Variants in LEPR observed in about 807,000 individuals in gnomAD.
LEPR encodes the protein OB receptor.
In LEPR, 56 loss-of-function variants were observed where a neutral mutation model predicts 114.7. The observed-to-expected ratio is 0.49, with a 90% CI of 0.39 to 0.61. The LOEUF is 0.61. LEPR is among the 20% of genes least tolerant of loss of function. The probability of loss-of-function intolerance (pLI) is 0.00; values close to 1 mark genes in which losing one functional copy is unlikely to be tolerated. For missense variants in LEPR, 1,202 were observed against 1,352.9 expected, an observed-to-expected ratio of 0.89 and a Z score of 1.75; for synonymous variants, 443 against 461.4, an observed-to-expected ratio of 0.96 and a Z score of 0.51.
rs779682924 is a variant in LEPR at position 65,598,745 on chromosome 1, G to C, written c.935G>C (p.Arg312Thr). Residue 312 changes from arginine (R) to threonine (T), a missense_variant, in exon 8 of 20, where the codon AGA (arginine) becomes ACA (threonine). Arg to Thr is a moderately conservative substitution (Grantham distance 71, BLOSUM62 -1). Coordinates refer to ENST00000349533, the MANE Select transcript of LEPR (RefSeq NM_002303.6). Reference sequence around the variant, plus strand: ...TATGAGGTTCAGGTGAGGGGCAAGAGACTGGATGGCCCAGGAATCTGGAGT... The same window carrying C: ...TATGAGGTTCAGGTGAGGGGCAAGACACTGGATGGCCCAGGAATCTGGAGT... The part of the protein sequence containing the change: ...SSYEVQVRGK[R>T]LDGPGIWSDW... The C allele has an allele frequency of 1.9e-6, 3 of 1,613,428 alleles. No homozygotes were observed. In the African/African-American group the frequency reaches 4.0e-5, roughly 22 times the overall value.
chr1:65,540,505 C>A (rs759235870), intron 2 of LEPR, among the ~76,000 whole-genome samples: 1 of 152,092 alleles, frequency 6.6e-6, no homozygotes, highest in Non-Finnish European at 1.5e-5. Context: ...TCTTGCTCCC[C>A]CTTGCCATGT....
At chr1:65,485,902 A>G (rs961566041) in intron 2 of LEPR, among the ~76,000 whole-genome samples, 2 of 152,188 alleles carry the variant, frequency 1.3e-5, no homozygotes, top group East Asian at 3.9e-4. Flanking sequence ...TCTAAGGTGA[A>G]CTGGAGTGTC....
At chr1:65,422,949 T>A (rs1375214552) in intron 1 of LEPR, among the ~76,000 whole-genome samples, 1 of 152,130 alleles carries the variant, frequency 6.6e-6, no homozygotes, top group Non-Finnish European at 1.5e-5. Flanking sequence ...GAGGCAGGAA[T>A]AAGAGGTTAA....
intron 1 of LEPR, among the ~76,000 whole-genome samples, chr1:65,423,517 G>A (rs1646295844): frequency 6.6e-6 from 1 of 152,144 alleles, no homozygotes; most frequent in Non-Finnish European, 1.5e-5. Context: ...CAGGCACAGA[G>A]GAGAGGAGCA....
At chr1:65,463,956 C>A (rs193192385) in intron 2 of LEPR, among the ~76,000 whole-genome samples, 5 of 152,272 alleles carry the variant, frequency 3.3e-5, no homozygotes, top group African/African-American at 1.2e-4. Context: ...AATATACAAT[C>A]ATGTCATCTG....
rs1429300771 is a variant in LEPR at position 65,487,872 on chromosome 1, TTTTTCTTTCTTTCTTTCTTTCC to T, written c.-21+62511_-21+62532del. 2.8e-4 allele frequency among the ~76,000 whole-genome samples: 42 copies of T among 152,084 alleles called. 1 individual carries two copies. The East Asian group carries it at 8.1e-3, about 29-fold the overall frequency. On this transcript the variant is annotated intron_variant, in intron 2 of 19. Coordinates refer to ENST00000349533, the MANE Select transcript of LEPR (RefSeq NM_002303.6). The stretch of plus-strand genomic sequence containing the variant: ...TGTTAGGAACATTCCAATTCCACTC[TTTTTCTTTCTTTCTTTCTTTCC>T]TTTTCTTTCTTTCTTTTTTCGTCTT...
chr1:65,511,854 C>T (rs1649049787), intron 2 of LEPR, among the ~76,000 whole-genome samples: 1 of 152,064 alleles, frequency 6.6e-6, no homozygotes, highest in Admixed American at 6.5e-5. Context: ...GGAGAGAAAA[C>T]CCCTCTGCAA....
rs763024512 is a variant in LEPR, at chr1:65,518,873, T to TTCTTTCTTTC, written c.-20-46672_-20-46671insCTTTCTTTCT. The stretch of plus-strand genomic sequence containing the variant: ...TTTTCTCTTTTCTTTCTTTCTTTCT[T>TTCTTTCTTTC]TTTCTTTCTTTCTTTCTTTCTTTCT... On this transcript the variant is annotated intron_variant, in intron 2 of 19. Transcript: ENST00000349533. Among the ~76,000 whole-genome samples, 837 of 117,288 alleles carry TTCTTTCTTTC rather than the reference T, an allele frequency of 7.1e-3. 7 individuals are homozygous for TTCTTTCTTTC. The highest frequency in any genetic ancestry group is 0.018 in the African/African-American group (511 of 29,072). 76.9% of individuals were successfully genotyped at this position (117,288 alleles called of 152,430 possible).
chr1:65,594,871 T>C (rs1655945516), intron 6 of LEPR, among the ~76,000 whole-genome samples: 1 of 152,038 alleles, frequency 6.6e-6, no homozygotes, highest in Non-Finnish European at 1.5e-5. Context: ...AATAAGCATC[T>C]ATGGAGTGCT....
intron 2 of LEPR, among the ~76,000 whole-genome samples, chr1:65,513,492 A>T (rs1468797507): frequency 2.6e-5 from 4 of 152,212 alleles, no homozygotes; most frequent in African/African-American, 9.6e-5. Context: ...AAAAAAAATA[A>T]CACAGCCATT....
At chr1:65,608,233 CT>C (rs1281303028) in intron 11 of LEPR, among the ~76,000 whole-genome samples, 727 of 133,932 alleles carry the variant, frequency 5.4e-3, no homozygotes, top group Non-Finnish European at 7.4e-3. Flanking sequence ...AGCATGGTAT[CT>C]TTTTTTTTTT....
intron 2 of LEPR, among the ~76,000 whole-genome samples, chr1:65,464,329 A>G (rs1646983299): frequency 6.6e-6 from 1 of 152,178 alleles, no homozygotes; most frequent in African/African-American, 2.4e-5. Context: ...GATTACGTTT[A>G]TTGATTTGCA....
chr1:65,549,392 C>G (rs559001734), intron 2 of LEPR, among the ~76,000 whole-genome samples: 1 of 152,212 alleles, frequency 6.6e-6, no homozygotes, highest in African/African-American at 2.4e-5. Flanking sequence ...TGGATAATAT[C>G]CTGCAGAGTG....
intron 2 of LEPR, among the ~76,000 whole-genome samples, chr1:65,497,645 C>T (rs148569407): frequency 6.6e-6 from 1 of 152,124 alleles, no homozygotes; most frequent in Non-Finnish European, 1.5e-5. Flanking sequence ...TTTATACACT[C>T]AAGCCTCAGG....
intron 2 of LEPR, among the ~76,000 whole-genome samples, chr1:65,506,713 G>A (rs754750660): frequency 5.3e-5 from 8 of 151,802 alleles, no homozygotes; most frequent in Non-Finnish European, 1.2e-4. Context: ...ATGATATTCT[G>A]ATACATGTAT....
At chr1:65,594,696 A>G (rs936236058) in intron 6 of LEPR, among the ~76,000 whole-genome samples, 1 of 152,012 alleles carries the variant, frequency 6.6e-6, no homozygotes, top group Non-Finnish European at 1.5e-5. Flanking sequence ...TAGGGGAGAT[A>G]TATATATTTG....
At chr1:65,547,243 T>A (rs1416153301) in intron 2 of LEPR, among the ~76,000 whole-genome samples, 10 of 152,272 alleles carry the variant, frequency 6.6e-5, no homozygotes, top group Admixed American at 2.6e-4. Flanking sequence ...AGCAATGTTC[T>A]TCAAGGATAT....
intron 2 of LEPR, among the ~76,000 whole-genome samples, chr1:65,542,160 A>C (rs962245624): frequency 6.6e-6 from 1 of 152,138 alleles, no homozygotes; most frequent in Non-Finnish European, 1.5e-5. Flanking sequence ...TACTGCTTGC[A>C]TACCCATACA....
chr1:65,448,966 T>G (rs1168036900), intron 2 of LEPR, among the ~76,000 whole-genome samples: 1 of 152,220 alleles, frequency 6.6e-6, no homozygotes, highest in African/African-American at 2.4e-5. Context: ...CTATCTTGGC[T>G]CACTGCAACC....
Sources: allele counts gnomAD v4.1 joint callset (sites outside exome capture counted in the v4.1 genomes callset), GRCh38; gene constraint gnomAD v4.1.1; transcripts MANE v1.5; gene names NCBI Gene and HGNC (gene_info 2026-07-23, HGNC 2026-07-21).